DDX60L: variants seen among roughly 807,000 people sequenced by gnomAD.
DDX60L encodes probable ATP-dependent RNA helicase DDX60-like.
In DDX60L, 191 loss-of-function variants were observed where a neutral mutation model predicts 211.6. The observed-to-expected ratio is 0.90, with a 90% CI of 0.80 to 1.02. The LOEUF (loss-of-function observed/expected upper bound fraction) is 1.02. Among genes scored for constraint, DDX60L ranks in the 50% least tolerant of loss-of-function variants. DDX60L has a pLI of 0.00. For synonymous variants in DDX60L, 706 were observed against 694.1 expected (o/e 1.02, Z -0.27); for missense variants, 2,007 against 1,984.1 (o/e 1.01, Z -0.22).
intron 4 of DDX60L, among the ~76,000 whole-genome samples, chr4:168,465,606 T>C (rs1281349484): frequency 6.6e-6 from 1 of 152,166 alleles, no homozygotes; most frequent in East Asian, 1.9e-4. Flanking sequence ...TATGTTTTTT[T>C]CTAATAGTTT....
At chr4:168,390,957 AC>A (rs2149720502) in intron 29 of DDX60L, among the ~76,000 whole-genome samples, 1 of 145,904 alleles carries the variant, frequency 6.9e-6, no homozygotes, top group South Asian at 2.2e-4. Flanking sequence ...TAAAATGATA[AC>A]AAAAACCTTT....
At position 168,477,206 on chromosome 4, in the gene DDX60L, G is replaced by A. The variant is rs978347897; in HGVS notation, c.-111+3171C>T. Among the ~76,000 whole-genome samples the A allele has an allele frequency of 3.3e-5, 5 of 152,128 alleles. No individual in the cohort carries two copies. In the South Asian group the frequency reaches 1.0e-3, roughly 31 times the overall value. Reference sequence around the variant, plus strand: ...CAAGGCGGACGGATCACAAGGTCAGGAGATCGAGACCATCCTGGCTAACAT... The same window carrying A: ...CAAGGCGGACGGATCACAAGGTCAGAAGATCGAGACCATCCTGGCTAACAT... On this transcript the variant is annotated intron_variant, in intron 1 of 37. Transcript: ENST00000682922.
intron 25 of DDX60L, among the ~76,000 whole-genome samples, 166 bp from the exon 26 acceptor site, chr4:168,401,144 G>C (rs896607775): frequency 1.3e-5 from 2 of 152,172 alleles, no homozygotes; most frequent in African/African-American, 4.8e-5. Flanking sequence ...ATGGGAAGTA[G>C]GGGTTCAACA....
chr4:168,415,672 A>G lies in DDX60L; in HGVS notation c.2854T>C (p.Tyr952His). The change falls in exon 21 of 38, where the codon TAT becomes CAT. Residue 952 changes from tyrosine to histidine, a missense_variant. Tyr to His is a moderately conservative substitution (Grantham distance 83). Coordinates refer to ENST00000682922, the MANE Select transcript of DDX60L (RefSeq NM_001012967.3). ...LQDHSYKNQS[Y>H]EVRLVLCGER... is the part of the protein sequence containing the mutation. ...ATAAGCTTACCAAGTCTAACTTCATATGATTGATTTTTATATGAATGGTCT... is the reference window on the plus strand; with the variant it reads ...ATAAGCTTACCAAGTCTAACTTCATGTGATTGATTTTTATATGAATGGTCT... 1 of 1,591,242 alleles carries G rather than the reference A, an allele frequency of 6.3e-7. No individual in the cohort carries two copies. Among genetic ancestry groups the G allele is most frequent in the Non-Finnish European group, 8.6e-7 (1 of 1,168,486 alleles).
In DDX60L at chr4:168,394,973, A is replaced by G. The variant is rs1457979307; in HGVS notation, c.3658-356T>C. ...AAGCAAAGAGAGAGAGACTTCTCCAAGAAGGCAGAGCGAGATCTCTACTCT... is the reference window on the plus strand; with the variant it reads ...AAGCAAAGAGAGAGAGACTTCTCCAGGAAGGCAGAGCGAGATCTCTACTCT... On this transcript the variant is annotated intron_variant, in intron 27 of 37. Coordinates refer to ENST00000682922, the MANE Select transcript of DDX60L (RefSeq NM_001012967.3). 2.0e-5 allele frequency among the ~76,000 whole-genome samples: 3 copies of G among 152,304 alleles called. No homozygotes were observed. The East Asian group carries it at 5.8e-4, about 29-fold the overall frequency.
chr4:168,407,666 C>A (rs796666363), intron 22 of DDX60L, among the ~76,000 whole-genome samples: 6 of 152,144 alleles, frequency 3.9e-5, no homozygotes, highest in Non-Finnish European at 8.8e-5. Flanking sequence ...GGAACCCTTC[C>A]TTTAAAAAAT....
chr4:168,383,480 A>T (rs1743315623), intron 30 of DDX60L, among the ~76,000 whole-genome samples: 1 of 152,204 alleles, frequency 6.6e-6, no homozygotes, highest in Non-Finnish European at 1.5e-5. Context: ...AAGTTTTTTG[A>T]CAGGAGTTCT....
In DDX60L at chr4:168,404,077, C is replaced by T. The variant is rs201094730; in HGVS notation, c.3243G>A (p.Pro1081=). Residue 1081 remains proline (P), a synonymous_variant, in exon 25 of 38, where the codon CCG becomes CCA. Coordinates refer to ENST00000682922, the MANE Select transcript of DDX60L (RefSeq NM_001012967.3). ...TATCTTTTGAACTAGACAATGAATC[C>T]GGACTAAGGTTCTTCAGTACTCTTT... ...KVKRVLKNLS[P]DSLSSSKDMV... The T allele has an allele frequency of 7.6e-5, 108 of 1,425,694 alleles. No individual in the cohort carries two copies. Among genetic ancestry groups the T allele is most frequent in the Admixed American group, 2.0e-4 (8 of 40,818 alleles). The allele number at this position is 1,425,694 out of a possible 1,614,324, so 88.3% of individuals were successfully genotyped here.
chr4:168,450,850 T>C (rs1274927500), intron 8 of DDX60L, among the ~76,000 whole-genome samples: 1 of 152,150 alleles, frequency 6.6e-6, no homozygotes, highest in Non-Finnish European at 1.5e-5. Context: ...GAGGCTGCAG[T>C]GAGCTATGGT....
intron 4 of DDX60L, chr4:168,470,415 A>AGAG (rs1758599466): frequency 6.6e-6 from 1 of 152,270 alleles, no homozygotes; most frequent in South Asian, 2.1e-4. Context: ...CCACTCAACA[A>AGAG]GAAAATGGGT....
intron 25 of DDX60L, among the ~76,000 whole-genome samples, chr4:168,401,188 G>A (rs1307425782): frequency 1.3e-5 from 2 of 152,118 alleles, no homozygotes; most frequent in African/African-American, 2.4e-5. Flanking sequence ...TAACACCAAT[G>A]TAGACCTTAA....
chr4:168,371,270 T>A (rs1293728918), intron 36 of DDX60L, among the ~76,000 whole-genome samples: 1 of 150,590 alleles, frequency 6.6e-6, no homozygotes, highest in Non-Finnish European at 1.5e-5. Flanking sequence ...CTTTGTAATA[T>A]ATCCAAATTT....
At chr4:168,441,907 T>C (rs1431466531) in intron 9 of DDX60L, among the ~76,000 whole-genome samples, 1 of 152,106 alleles carries the variant, frequency 6.6e-6, no homozygotes, top group Non-Finnish European at 1.5e-5. Flanking sequence ...TTCCCAAAAA[T>C]AATGAAGCAC....
chr4:168,367,566 G>A (rs1439918030), intron 36 of DDX60L, among the ~76,000 whole-genome samples: 1 of 152,172 alleles, frequency 6.6e-6, no homozygotes, highest in Non-Finnish European at 1.5e-5. Context: ...AGTAGAGTGG[G>A]GTGCTGCTGA....
intron 9 of DDX60L, among the ~76,000 whole-genome samples, chr4:168,442,665 C>T (rs1303587186): frequency 1.8e-4 from 27 of 151,026 alleles, no homozygotes; most frequent in Admixed American, 4.0e-4. Context: ...TCTCCCAGCA[C>T]GCAGCTGGAG....
At chr4:168,399,999 T>G (rs1024290198) in intron 26 of DDX60L, among the ~76,000 whole-genome samples, 1 of 152,114 alleles carries the variant, frequency 6.6e-6, no homozygotes, top group East Asian at 1.9e-4. Flanking sequence ...CCTGATCCTC[T>G]CTCTCCCTTT....
Position 168,396,125 on chromosome 4 carries a change from C to CAAT in DDX60L, c.3492-2_3492-1insATT. On this transcript the variant is annotated splice_acceptor_variant, in intron 26 of 37. Coordinates refer to ENST00000682922, the MANE Select transcript of DDX60L (RefSeq NM_001012967.3). LOFTEE classifies it high-confidence loss of function. ...AGCCTTCTTTGGGTTTTTTTTAGTG[C>CAAT]TACTATTTAAAAAAAAAAAAAAACT... The CAAT allele has an allele frequency of 7.5e-7, 1 of 1,327,924 alleles. No individual in the cohort carries two copies. The highest frequency in any genetic ancestry group is 1.0e-6 in the Non-Finnish European group (1 of 999,434). The allele number at this position is 1,327,924 out of a possible 1,614,324, so 82.3% of individuals were successfully genotyped here.
At chr4:168,465,658 A>T (rs926272340) in intron 4 of DDX60L, among the ~76,000 whole-genome samples, 8 of 152,000 alleles carry the variant, frequency 5.3e-5, no homozygotes, top group African/African-American at 1.9e-4. Context: ...ATCCATTTTG[A>T]ATTGATTTTT....
At chr4:168,361,299 G>GC in intron 36 of DDX60L, 88 bp from the exon 37 acceptor site, 12 of 830,740 alleles carry the variant, frequency 1.4e-5, no homozygotes, top group South Asian at 5.1e-5. Context: ...TCTGTCCATG[G>GC]CAGTTAATTT....
Sources: gnomAD v4.1 joint callset for allele counts (sites outside exome capture counted in the v4.1 genomes callset) on GRCh38, gnomAD v4.1.1 for gene constraint, MANE v1.5 for transcripts, NCBI Gene and HGNC (gene_info 2026-07-23, HGNC 2026-07-21) for gene names.